RNF17: variants seen among roughly 807,000 people sequenced by gnomAD.
RNF17 encodes ring finger protein 17, also known as spermatogenesis associated 23.
In RNF17, 31 loss-of-function variants were observed where a neutral mutation model predicts 200.5. The observed-to-expected ratio is 0.15, with a 90% CI of 0.12 to 0.21. The LOEUF is 0.21. Among genes scored for constraint, RNF17 ranks in the 10% least tolerant of loss-of-function variants. The pLI is 1.00. For missense variants in RNF17, 1,628 were observed against 1,905.1 expected, an observed-to-expected ratio of 0.85 and a Z score of 2.71; for synonymous variants, 606 against 637.8, an observed-to-expected ratio of 0.95 and a Z score of 0.75.
chr13:24,807,785 C>T (rs991039818), intron 15 of RNF17, among the ~76,000 whole-genome samples: 27 of 152,038 alleles, frequency 1.8e-4, no homozygotes, highest in East Asian at 7.7e-4. Context: ...TTAGGTCTAA[C>T]GTTTAAGTCT....
At chr13:24,885,230 A>G in the RNF17 span, 1 of 1,261,820 alleles carries the variant, frequency 7.9e-7, no homozygotes, top group East Asian at 2.3e-5. Context: ...ATTTTAACCC[A>G]TGTTTATTTT....
At position 24,802,401 on chromosome 13, in the gene RNF17, A is replaced by G; in HGVS notation, c.1779A>G (p.Glu593=). The G allele has an allele frequency of 6.2e-7, 1 of 1,612,710 alleles. No individual in the cohort carries two copies. Among genetic ancestry groups the G allele is most frequent in the South Asian group, 1.1e-5 (1 of 90,648 alleles). The change falls in exon 14 of 36, where the codon GAA becomes GAG. Residue 593 remains glutamate, a synonymous_variant. Coordinates refer to ENST00000255324, the MANE Select transcript of RNF17 (RefSeq NM_031277.3). ...CACAGAATGAAGGCTGGGAAGAGGA[A>G]GCTAAAGTGGAATTTTTGAAAATGG... The part of the protein sequence containing the change: ...PQNSNEGWEE[E]AKVEFLKMVN...
the RNF17 span, among the ~76,000 whole-genome samples, chr13:24,753,653 A>C: frequency 6.6e-6 from 1 of 152,180 alleles, no homozygotes. Context: ...TCATTTGTGG[A>C]GCAAAAGGTT....
At chr13:24,834,731 T>G (rs987644057) in intron 18 of RNF17, among the ~76,000 whole-genome samples, 1 of 152,108 alleles carries the variant, frequency 6.6e-6, no homozygotes, top group Non-Finnish European at 1.5e-5. Flanking sequence ...GCCACAGGGA[T>G]TCAGTGGGAG....
chr13:24,812,849 T>G (rs1390274291), intron 15 of RNF17, among the ~76,000 whole-genome samples: 1 of 151,958 alleles, frequency 6.6e-6, no homozygotes, highest in African/African-American at 2.4e-5. Flanking sequence ...GCCTGGCTAA[T>G]TTTTTGTATT....
chr13:24,771,323 C>CTTTTT (rs35220494), intron 2 of RNF17, among the ~76,000 whole-genome samples: 4,729 of 77,964 alleles, frequency 0.061, 698 homozygotes, highest in East Asian at 0.11. Flanking sequence ...CACAGATAAT[C>CTTTTT]TTTTTTTTTT....
intron 15 of RNF17, among the ~76,000 whole-genome samples, chr13:24,807,082 T>C (rs1566159892): frequency 2.0e-5 from 3 of 151,640 alleles, no homozygotes; most frequent in Admixed American, 6.6e-5. Flanking sequence ...AAGTCTTTGC[T>C]ATCATGAATA....
intron 15 of RNF17, among the ~76,000 whole-genome samples, chr13:24,822,484 T>A (rs1888183826): frequency 2.0e-5 from 3 of 152,000 alleles, no homozygotes; most frequent in Non-Finnish European, 1.5e-5. Context: ...TGCAGTGGCA[T>A]GATCTTGGCT....
At chr13:24,794,159 C>T (rs996629404) in intron 10 of RNF17, 5 of 453,950 alleles carry the variant, frequency 1.1e-5, no homozygotes, top group Admixed American at 2.4e-5. Flanking sequence ...ATGAAGCATG[C>T]GGCACAGATG....
At chr13:24,875,353 A>C (rs1204509527) in intron 33 of RNF17, among the ~76,000 whole-genome samples, 1 of 152,204 alleles carries the variant, frequency 6.6e-6, no homozygotes, top group Non-Finnish European at 1.5e-5. Context: ...AGCTTGTTTT[A>C]TGAAGGGATA....
At chr13:24,880,074 G>C (rs1953761604), downstream of RNF17, among the ~76,000 whole-genome samples, 1 of 152,176 alleles carries the variant, frequency 6.6e-6, no homozygotes, top group East Asian at 1.9e-4. Flanking sequence ...CTGTAGAAGT[G>C]TATTAGTCTC....
At chr13:24,784,580 C>G (rs892638974) in intron 6 of RNF17, among the ~76,000 whole-genome samples, 2 of 152,114 alleles carry the variant, frequency 1.3e-5, no homozygotes, top group East Asian at 3.8e-4. Flanking sequence ...TTATGTGTTC[C>G]TGGAAATTTG....
chr13:24,801,172 T>A (rs1885205745), intron 13 of RNF17, among the ~76,000 whole-genome samples: 1 of 151,960 alleles, frequency 6.6e-6, no homozygotes, highest in African/African-American at 2.4e-5. Context: ...AAATGATGAG[T>A]GTTTTGTTTT....
At chr13:24,882,117 T>C (rs1416306226), downstream of RNF17, among the ~76,000 whole-genome samples, 6 of 27,644 alleles carry the variant, frequency 2.2e-4, 3 homozygotes, top group East Asian at 5.9e-3. Flanking sequence ...TATAGATATA[T>C]AGATACATCT....
At chr13:24,783,291 C>T (rs1372217594) in intron 6 of RNF17, among the ~76,000 whole-genome samples, 1 of 152,176 alleles carries the variant, frequency 6.6e-6, no homozygotes, top group Non-Finnish European at 1.5e-5. Flanking sequence ...GTTTTGACTA[C>T]TGTTGTTTTG....
chr13:24,855,484 T>C (rs1378807697), intron 25 of RNF17, among the ~76,000 whole-genome samples: 1 of 151,980 alleles, frequency 6.6e-6, no homozygotes, highest in Non-Finnish European at 1.5e-5. Flanking sequence ...AAAAATTAGC[T>C]GGACATGGTG....
At chr13:24,835,453 T>TG (rs1483695017) in intron 18 of RNF17, among the ~76,000 whole-genome samples, 1 of 152,160 alleles carries the variant, frequency 6.6e-6, no homozygotes, top group African/African-American at 2.4e-5. Context: ...GAACAGGCAC[T>TG]GCTATCCACT....
At position 24,793,213 on chromosome 13, in the gene RNF17, A is replaced by G; in HGVS notation, c.1107A>G (p.Val369=). Residue 369 remains valine, a synonymous_variant, in exon 10 of 36, where the codon GTA becomes GTG. Transcript: ENST00000255324. The stretch of plus-strand genomic sequence containing the variant: ...CTTTGCAACCTGAGACAAATGATGT[A>G]CATTTAGAAGCAAAAAACTTCCAGC... ...PPPLQPETND[V]HLEAKNFQPQ... 1 of 1,614,126 alleles carries G rather than the reference A, an allele frequency of 6.2e-7. No individual in the cohort carries two copies. The highest frequency in any genetic ancestry group is 8.5e-7 in the Non-Finnish European group (1 of 1,179,970).
the RNF17 span, among the ~76,000 whole-genome samples, chr13:24,748,076 G>A: frequency 4.6e-5 from 7 of 152,242 alleles, no homozygotes; most frequent in Non-Finnish European, 1.0e-4. Flanking sequence ...ACTGATCCGA[G>A]CTTTAACATT....
Sources: allele counts gnomAD v4.1 joint callset (sites outside exome capture counted in the v4.1 genomes callset), GRCh38; gene constraint gnomAD v4.1.1; transcripts MANE v1.5; gene names NCBI Gene and HGNC (gene_info 2026-07-23, HGNC 2026-07-21).